Variants in GOLIM4 observed in about 807,000 individuals in gnomAD.
GOLIM4 encodes the protein 130 kDa golgi-localized phosphoprotein.
Under a neutral mutation model 107.4 loss-of-function variants are expected in GOLIM4, and 71 were observed. That is an observed-to-expected ratio of 0.66 (90% CI 0.55 to 0.81). GOLIM4 has a LOEUF of 0.81. Ranked by LOEUF, GOLIM4 falls within the 30% of genes least tolerant of loss-of-function variation. The pLI is 0.00. For synonymous variants in GOLIM4, 327 were observed against 294.8 expected, an observed-to-expected ratio of 1.11 and a Z score of -1.12; for missense variants, 830 against 826.1, an observed-to-expected ratio of 1.00 and a Z score of -0.06.
At chr3:168,052,719 A>T (rs1418627860) in intron 1 of GOLIM4, among the ~76,000 whole-genome samples, 4 of 152,120 alleles carry the variant, frequency 2.6e-5, no homozygotes. Flanking sequence ...AGCTAGGTTT[A>T]CTGTTTCACT....
At chr3:168,024,826 C>T (rs372902169) in intron 13 of GOLIM4, 102 bp downstream of exon 13, 1 of 1,242,312 alleles carries the variant, frequency 8.0e-7, no homozygotes, top group South Asian at 1.4e-5. Flanking sequence ...ACCGAAGTGG[C>T]AAACCTTCCG....
At chr3:168,044,556 T>C (rs1327153147) in intron 4 of GOLIM4, among the ~76,000 whole-genome samples, 2 of 152,014 alleles carry the variant, frequency 1.3e-5, no homozygotes, top group African/African-American at 4.8e-5. Context: ...CCCTAATGGA[T>C]AGAGAGAAGA....
intron 14 of GOLIM4, among the ~76,000 whole-genome samples, chr3:168,022,307 G>C (rs1342920884): frequency 6.6e-6 from 1 of 151,102 alleles, no homozygotes; most frequent in Non-Finnish European, 1.5e-5. Flanking sequence ...TGGGGCAGCT[G>C]CAAGACTCTA....
intron 1 of GOLIM4, among the ~76,000 whole-genome samples, chr3:168,064,918 G>A (rs1329693777): frequency 5.3e-5 from 8 of 150,518 alleles, no homozygotes; most frequent in African/African-American, 1.9e-4. Flanking sequence ...TAAAGCTACC[G>A]AATATAACTT....
chr3:168,058,915 T>A (rs556003139), intron 1 of GOLIM4, among the ~76,000 whole-genome samples: 1 of 152,232 alleles, frequency 6.6e-6, no homozygotes, highest in South Asian at 2.1e-4. Context: ...TATCTAGCAA[T>A]CAGATTGCAG....
Position 168,010,815 on chromosome 3 carries a change from T to C in GOLIM4, c.1869A>G (p.Glu623=). ...YQEEAEEEVQ[E]DLTEEKKREL... ...CCCTTTTTTTCTCTTCAGTCAAATCTTCCTGAACCTAAAACAAACCACAGA... is the reference window on the plus strand; with the variant it reads ...CCCTTTTTTTCTCTTCAGTCAAATCCTCCTGAACCTAAAACAAACCACAGA... Residue 623 remains glutamate (E), a synonymous_variant, in exon 15 of 16, where the codon GAA becomes GAG. Transcript: ENST00000470487. 6.2e-7 allele frequency: 1 copy of C among 1,608,290 alleles called. No homozygotes were observed. The highest frequency in any genetic ancestry group is 8.5e-7 in the Non-Finnish European group (1 of 1,175,584).
chr3:168,046,609 T>A (rs1172979497), intron 3 of GOLIM4, among the ~76,000 whole-genome samples: 1 of 152,228 alleles, frequency 6.6e-6, no homozygotes, highest in Admixed American at 6.5e-5. Context: ...GGCCAGGTCC[T>A]GTGTTGCATG....
chr3:168,040,958 AC>A (rs1435235618), intron 6 of GOLIM4, 89 bp from the exon 7 acceptor site: 1 of 801,008 alleles, frequency 1.2e-6, no homozygotes, highest in African/African-American at 1.7e-5. Context: ...CCCAAATGTT[AC>A]TTGCTTGTTT....
At chr3:168,024,674 G>T in intron 13 of GOLIM4, 80 bp from the exon 14 acceptor site, 1 of 1,177,924 alleles carries the variant, frequency 8.5e-7, no homozygotes, top group Non-Finnish European at 1.3e-6. Flanking sequence ...CAAAGAACAA[G>T]CATGCCACCA....
At chr3:168,051,834 G>GGA (rs1719666203) in intron 1 of GOLIM4, among the ~76,000 whole-genome samples, 1 of 152,138 alleles carries the variant, frequency 6.6e-6, no homozygotes, top group Non-Finnish European at 1.5e-5. Flanking sequence ...GGTGACGGAT[G>GGA]GAGACATGGA....
chr3:168,066,521 T>C (rs1720555730), intron 1 of GOLIM4, among the ~76,000 whole-genome samples: 1 of 152,178 alleles, frequency 6.6e-6, no homozygotes, highest in Admixed American at 6.5e-5. Context: ...CTAAAGATCT[T>C]GGTTCTATCT....
rs144707420 is a variant in GOLIM4 at position 168,095,201 on chromosome 3, C to A, written c.85G>T (p.Gly29Cys). 5 of 1,613,798 alleles carry A rather than the reference C, an allele frequency of 3.1e-6. No individual in the cohort carries two copies. The highest frequency in any genetic ancestry group is 4.2e-6 in the Non-Finnish European group (5 of 1,179,994). Reference sequence around the variant, plus strand: ...TGCAGCTCGTAGTAGAGCATCGCGCCGTAGAGAAAGCCGAACACGACGGTC... The same window carrying A: ...TGCAGCTCGTAGTAGAGCATCGCGCAGTAGAGAAAGCCGAACACGACGGTC... ...LLTVVFGFLYGAMLYYELQTQ... is the reference protein window; with the variant it reads ...LLTVVFGFLYCAMLYYELQTQ... Residue 29 changes from glycine to cysteine, a missense_variant, in exon 1 of 16, where the codon GGC becomes TGC. Physicochemically the swap from Gly to Cys is radical, Grantham distance 159. Coordinates refer to ENST00000470487, the MANE Select transcript of GOLIM4 (RefSeq NM_014498.5).
chr3:168,044,655 G>A (rs890750618), intron 4 of GOLIM4, among the ~76,000 whole-genome samples, 173 bp downstream of exon 4: 7 of 151,978 alleles, frequency 4.6e-5, no homozygotes, highest in Non-Finnish European at 7.4e-5. Context: ...TGATAAATAC[G>A]ACAAGCCATT....
At chr3:168,026,976 T>C (rs1409954333) in intron 12 of GOLIM4, among the ~76,000 whole-genome samples, 1 of 152,192 alleles carries the variant, frequency 6.6e-6, no homozygotes, top group Admixed American at 6.5e-5. Context: ...GTTGATCTAT[T>C]AGCAAGAGAT....
intron 2 of GOLIM4, 147 bp downstream of exon 2, chr3:168,048,144 T>G (rs533080749): frequency 1.5e-6 from 1 of 649,686 alleles, no homozygotes; most frequent in African/African-American, 1.8e-5. Context: ...CATAATATAT[T>G]ACTTGACATG....
In GOLIM4 at chr3:168,064,292, A is replaced by G. The variant is rs139397526; in HGVS notation, c.188-15927T>C. On this transcript the variant is annotated intron_variant, in intron 1 of 15. Coordinates refer to ENST00000470487, the MANE Select transcript of GOLIM4 (RefSeq NM_014498.5). ...AATTCAGCTTCTTTATGATCTGCAA[A>G]TTGTCATCTCGAGTCTGGTACAATG... Among the ~76,000 whole-genome samples, 3 of 152,296 alleles carry G rather than the reference A, an allele frequency of 2.0e-5. No homozygotes were observed. In the East Asian group the frequency reaches 5.8e-4, roughly 29 times the overall value.
rs1722151358 is a variant in GOLIM4 at position 168,095,549 on chromosome 3, G to A, written c.-264C>T. On this transcript the variant is annotated 5_prime_UTR_variant, in exon 1 of 16. Coordinates refer to ENST00000470487, the MANE Select transcript of GOLIM4 (RefSeq NM_014498.5). ...CGCGAATGCCCGGGGCCGGGAGGAGGCCCTCCGCATACTTCAGAGCCGGCT... is the reference window on the plus strand; with the variant it reads ...CGCGAATGCCCGGGGCCGGGAGGAGACCCTCCGCATACTTCAGAGCCGGCT... 4.3e-6 allele frequency: 2 copies of A among 460,034 alleles called. No individual in the cohort carries two copies. Among genetic ancestry groups the A allele is most frequent in the Non-Finnish European group, 3.8e-6 (1 of 259,806 alleles). The allele number at this position is 460,034 out of a possible 1,614,324, so 28.5% of individuals were successfully genotyped here.
At chr3:168,075,302 T>G (rs1450003579) in intron 1 of GOLIM4, among the ~76,000 whole-genome samples, 3 of 137,562 alleles carry the variant, frequency 2.2e-5, no homozygotes, top group African/African-American at 8.2e-5. Context: ...TTTTTTTTTT[T>G]TTTTTTTTTT....
At chr3:168,055,596 A>T (rs1282392014) in intron 1 of GOLIM4, among the ~76,000 whole-genome samples, 2 of 152,230 alleles carry the variant, frequency 1.3e-5, no homozygotes, top group Non-Finnish European at 2.9e-5. Flanking sequence ...CAGGAGATCA[A>T]GACCATCCTG....
Sources: gnomAD v4.1 joint callset for allele counts (sites outside exome capture counted in the v4.1 genomes callset) on GRCh38, gnomAD v4.1.1 for gene constraint, MANE v1.5 for transcripts, NCBI Gene and HGNC (gene_info 2026-07-23, HGNC 2026-07-21) for gene names.